The following HCRTR2 variants were observed in gnomAD, a reference collection of about 807,000 sequenced individuals.
HCRTR2 encodes hypocretin receptor 2, also known as orexin receptor type 2.
A neutral mutation model predicts 49.0 loss-of-function variants in HCRTR2; 22 were observed. The ratio of observed to expected loss-of-function variants is 0.45; its 90% CI spans 0.32 to 0.64. The LOEUF (loss-of-function observed/expected upper bound fraction) is 0.64. Ranked by LOEUF, HCRTR2 falls within the 30% of genes least tolerant of loss-of-function variation. HCRTR2 has a pLI of 0.04. For missense variants in HCRTR2, 491 were observed against 559.4 expected, an observed-to-expected ratio of 0.88 and a Z score of 1.23; for synonymous variants, 236 against 205.3, an observed-to-expected ratio of 1.15 and a Z score of -1.28.
At chr6:55,192,025 A>G (rs1765324509) in intron 1 of HCRTR2, among the ~76,000 whole-genome samples, 1 of 152,182 alleles carries the variant, frequency 6.6e-6, no homozygotes, top group Non-Finnish European at 1.5e-5. Context: ...AAATTGCAAT[A>G]ATTCAGACTT....
intron 1 of HCRTR2, among the ~76,000 whole-genome samples, chr6:55,115,012 A>G (rs1260679752): frequency 6.6e-6 from 1 of 151,764 alleles, no homozygotes; most frequent in Non-Finnish European, 1.5e-5. Context: ...TGTGCAAGCT[A>G]AGGTTTTGGA....
chr6:55,158,006 A>G (rs951308244), intron 1 of HCRTR2, among the ~76,000 whole-genome samples: 2 of 152,168 alleles, frequency 1.3e-5, no homozygotes, highest in Admixed American at 1.3e-4. Flanking sequence ...ACCATCCAGG[A>G]GGTGGCTGGC....
chr6:55,221,276 A>C (rs1765885058), intron 1 of HCRTR2, among the ~76,000 whole-genome samples: 1 of 152,230 alleles, frequency 6.6e-6, no homozygotes, highest in South Asian at 2.1e-4. Context: ...TGACTTCAAA[A>C]CATATTCCAA....
intron 1 of HCRTR2, among the ~76,000 whole-genome samples, chr6:55,192,390 AACACACACACACGCGCGCGCGCGCACAC>A (rs1437079348): frequency 7.3e-6 from 1 of 136,436 alleles, no homozygotes; most frequent in Admixed American, 7.9e-5. Flanking sequence ...CCTTTCTCTA[AACACACACACACGCGCGCGCGCGCACAC>A]ACACACACAC....
At chr6:55,192,273 G>C (rs980100833) in intron 1 of HCRTR2, among the ~76,000 whole-genome samples, 1 of 152,034 alleles carries the variant, frequency 6.6e-6, no homozygotes, top group African/African-American at 2.4e-5. Context: ...GTAATTATTG[G>C]CTGGACATGG....
intron 1 of HCRTR2, among the ~76,000 whole-genome samples, chr6:55,242,531 A>C (rs1474526027): frequency 1.3e-5 from 2 of 152,326 alleles, no homozygotes; most frequent in East Asian, 3.9e-4. Context: ...CTTAAAATAA[A>C]ATTGATATAT....
chr6:55,282,495 C>A lies in HCRTR2; in HGVS notation c.*41C>A. The A allele has an allele frequency of 9.1e-7, 1 of 1,096,244 alleles. No individual in the cohort carries two copies. The highest frequency in any genetic ancestry group is 1.3e-5 in the South Asian group (1 of 77,548). 67.9% of individuals were successfully genotyped at this position (1,096,244 alleles called of 1,614,324 possible). On this transcript the variant is annotated 3_prime_UTR_variant, in exon 7 of 7. Coordinates refer to ENST00000370862, the MANE Select transcript of HCRTR2 (RefSeq NM_001384272.1). ...GACAAGGATACCTGAGTAAAACTAT[C>A]CTTTTTAAAATCACTGGGAACAGAA... is the stretch of plus-strand genomic sequence containing the variant.
intron 1 of HCRTR2, among the ~76,000 whole-genome samples, chr6:55,179,819 G>T (rs931613153): frequency 2.6e-5 from 4 of 152,006 alleles, no homozygotes; most frequent in African/African-American, 9.7e-5. Context: ...GATTATATTT[G>T]AAAATTTTCA....
chr6:55,138,938 G>A (rs1201127641), intron 1 of HCRTR2, among the ~76,000 whole-genome samples: 1 of 152,186 alleles, frequency 6.6e-6, no homozygotes. Flanking sequence ...TTTGGGTTTA[G>A]GGGACCCTTG....
At chr6:55,116,456 AAG>A (rs199975021) in intron 1 of HCRTR2, among the ~76,000 whole-genome samples, 4 of 151,422 alleles carry the variant, frequency 2.6e-5, no homozygotes, top group South Asian at 4.1e-4. Flanking sequence ...GAGATAGAAA[AAG>A]AGAGAGTTGG....
intron 1 of HCRTR2, among the ~76,000 whole-genome samples, chr6:55,109,758 T>C (rs763453211): frequency 3.3e-5 from 5 of 152,072 alleles, no homozygotes; most frequent in Non-Finnish European, 5.9e-5. Flanking sequence ...TTGGTGTTCC[T>C]GAGGAAGAAG....
chr6:55,195,387 A>C (rs1459107257), intron 1 of HCRTR2, among the ~76,000 whole-genome samples: 1 of 152,182 alleles, frequency 6.6e-6, no homozygotes, highest in Non-Finnish European at 1.5e-5. Flanking sequence ...TAAAACTAAA[A>C]ATAGCTTAAA....
intron 1 of HCRTR2, among the ~76,000 whole-genome samples, chr6:55,236,286 T>C (rs1168857170): frequency 6.6e-6 from 1 of 152,034 alleles, no homozygotes; most frequent in Non-Finnish European, 1.5e-5. Flanking sequence ...TTGCATTTTC[T>C]AGTTGTTTTT....
chr6:55,226,711 G>GTTTTTTTTTTTT (rs777871106), intron 1 of HCRTR2, among the ~76,000 whole-genome samples: 8 of 74,254 alleles, frequency 1.1e-4, no homozygotes, highest in African/African-American at 4.8e-4. Flanking sequence ...AATTCCAGGT[G>GTTTTTTTTTTTT]TTTTTTTTTT....
chr6:55,216,431 C>T (rs1765788686), intron 1 of HCRTR2, among the ~76,000 whole-genome samples: 1 of 152,248 alleles, frequency 6.6e-6, no homozygotes, highest in Non-Finnish European at 1.5e-5. Context: ...GGCAGGTTCC[C>T]TTTCAGTTGT....
At chr6:55,266,198 T>C (rs1766857171) in intron 4 of HCRTR2, among the ~76,000 whole-genome samples, 1 of 152,170 alleles carries the variant, frequency 6.6e-6, no homozygotes, top group Non-Finnish European at 1.5e-5. Flanking sequence ...ATAGCAAGCA[T>C]GTGTTGAATT....
intron 1 of HCRTR2, among the ~76,000 whole-genome samples, chr6:55,115,728 A>G (rs1291531239): frequency 6.6e-6 from 1 of 151,694 alleles, no homozygotes; most frequent in Non-Finnish European, 1.5e-5. Flanking sequence ...AGATTTTAGT[A>G]GATTTAGGGA....
intron 1 of HCRTR2, among the ~76,000 whole-genome samples, chr6:55,159,165 G>C (rs1764770874): frequency 1.3e-5 from 2 of 152,232 alleles, no homozygotes; most frequent in South Asian, 4.1e-4. Flanking sequence ...CAGGCAAATA[G>C]GGTCTGACGT....
chr6:55,178,127 A>T (rs1041215141), intron 1 of HCRTR2, among the ~76,000 whole-genome samples: 2 of 152,142 alleles, frequency 1.3e-5, no homozygotes, highest in African/African-American at 4.8e-5. Flanking sequence ...CTCTGGGGAA[A>T]TGTAAAGAAA....
Sources: allele counts gnomAD v4.1 joint callset (sites outside exome capture counted in the v4.1 genomes callset), GRCh38; gene constraint gnomAD v4.1.1; transcripts MANE v1.5; gene names NCBI Gene and HGNC (gene_info 2026-07-23, HGNC 2026-07-21).